The following SNRPN variants were observed in gnomAD, a reference collection of about 807,000 sequenced individuals.
SNRPN encodes the protein small nuclear ribonucleoprotein-associated protein N.
Under a neutral mutation model 25.2 loss-of-function variants are expected in SNRPN, and 7 were observed. The ratio of observed to expected loss-of-function variants is 0.28; its 90% CI spans 0.16 to 0.52. The LOEUF is 0.52. SNRPN is among the 20% of genes least tolerant of loss of function. The pLI is 0.96. For synonymous variants in SNRPN, 124 were observed against 110.6 expected (o/e 1.12, Z -0.76); for missense variants, 196 against 322.5 (o/e 0.61, Z 3.00).
intron 1 of SNRPN, among the ~76,000 whole-genome samples, chr15:24,825,458 C>A (rs929960699): frequency 6.6e-6 from 1 of 152,006 alleles, no homozygotes; most frequent in Non-Finnish European, 1.5e-5. Flanking sequence ...ATGAGAGTTG[C>A]GTTCTGTTCT....
intron 1 of SNRPN, among the ~76,000 whole-genome samples, chr15:24,876,865 C>T (rs1268777546): frequency 6.6e-6 from 1 of 152,082 alleles, no homozygotes; most frequent in Non-Finnish European, 1.5e-5. Flanking sequence ...ATTGAGACAT[C>T]GCAAGGAGAG....
chr15:24,893,249 A>C (rs79193286), intron 2 of SNRPN, among the ~76,000 whole-genome samples: 2,400 of 151,734 alleles, frequency 0.016, 64 homozygotes, highest in African/African-American at 0.056. Flanking sequence ...AGAAAAGAAG[A>C]AAAGAAAGTT....
At chr15:24,927,502 TTTTTTTTTTTTTTTTTACTTTTGACC>T (rs2060488347) in intron 3 of SNRPN, among the ~76,000 whole-genome samples, 1 of 62,396 alleles carries the variant, frequency 1.6e-5, no homozygotes, top group African/African-American at 5.8e-5. Flanking sequence ...TTTTTTTTTT[TTTTTTTTTTTTTTTTTACTTTTGACC>T]ACTTTGAGAG....
At chr15:24,843,994 T>A (rs557347669) in intron 2 of SNRPN, among the ~76,000 whole-genome samples, 3 of 151,672 alleles carry the variant, frequency 2.0e-5, no homozygotes, top group Admixed American at 6.6e-5. Context: ...AAACGTATGA[T>A]TCACTTTACA....
intron 6 of SNRPN, 135 bp from the exon 7 acceptor site, chr15:24,976,738 CTTGT>C (rs1428743950): frequency 2.6e-6 from 2 of 759,480 alleles, no homozygotes; most frequent in Non-Finnish European, 4.4e-6. Flanking sequence ...GGTATACTTG[CTTGT>C]TTGTTCATTT....
chr15:24,926,373 T>C (rs1427289827), intron 3 of SNRPN, among the ~76,000 whole-genome samples: 1 of 152,152 alleles, frequency 6.6e-6, no homozygotes, highest in African/African-American at 2.4e-5. Context: ...GTAATGACAA[T>C]ATATCCCCTT....
rs1184656721 is a variant in SNRPN at position 24,976,769 on chromosome 15, T to C, written c.268-108T>C. On this transcript the variant is annotated intron_variant, in intron 6 of 9. Coordinates refer to ENST00000390687, the MANE Select transcript of SNRPN (RefSeq NM_003097.6). ...TGTTCATTTGGACACAGAACTAATA[T>C]GAGATAGGTGTCATGGGAAAATGGT... is the stretch of plus-strand genomic sequence containing the variant. The C allele has an allele frequency of 1.3e-4, 120 of 948,974 alleles. No individual in the cohort carries two copies. The East Asian group carries it at 1.5e-3, about 12-fold the overall frequency. The allele number at this position is 948,974 out of a possible 1,614,324, so 58.8% of individuals were successfully genotyped here. A position where few individuals can be genotyped will look rare whatever the true frequency, so the allele number is the denominator to read the frequency against.
intron 1 of SNRPN, among the ~76,000 whole-genome samples, chr15:24,863,889 C>A (rs1273723717): frequency 6.6e-6 from 1 of 150,824 alleles, no homozygotes; most frequent in South Asian, 2.1e-4. Context: ...ACTTTATTTA[C>A]AGTACTCTCT....
chr15:24,911,217 C>T, intron 2 of SNRPN: 1 of 461,242 alleles, frequency 2.2e-6, no homozygotes, highest in Non-Finnish European at 3.7e-6. Context: ...AATTAACAGC[C>T]TGGCCTTGTA....
At chr15:24,869,109 C>T (rs901378359) in intron 1 of SNRPN, among the ~76,000 whole-genome samples, 12 of 152,094 alleles carry the variant, frequency 7.9e-5, no homozygotes, top group African/African-American at 2.2e-4. Context: ...CACACCACAG[C>T]GCTCCAGCCT....
intron 3 of SNRPN, among the ~76,000 whole-genome samples, chr15:24,937,526 AT>A (rs951741983): frequency 2.0e-5 from 3 of 151,996 alleles, no homozygotes; most frequent in African/African-American, 7.2e-5. Flanking sequence ...GTCTCTAAAA[AT>A]TTTTTTAATT....
At chr15:24,841,389 C>T (rs1193872481) in intron 2 of SNRPN, among the ~76,000 whole-genome samples, 1 of 151,994 alleles carries the variant, frequency 6.6e-6, no homozygotes, top group East Asian at 1.9e-4. Context: ...AAAAGTTGCT[C>T]ACAGGGCTCT....
chr15:24,913,951 C>T (rs74476174), intron 2 of SNRPN, among the ~76,000 whole-genome samples: 2,558 of 152,186 alleles, frequency 0.017, 36 homozygotes, highest in Non-Finnish European at 0.025. Flanking sequence ...TGACAACTTA[C>T]GGAAAGGCAA....
intron 2 of SNRPN, among the ~76,000 whole-genome samples, chr15:24,834,581 A>T (rs1254229442): frequency 6.6e-6 from 1 of 151,496 alleles, no homozygotes; most frequent in Non-Finnish European, 1.5e-5. Context: ...AAGTGTAAAA[A>T]TCTAGCTGGG....
chr15:24,928,303 T>C (rs2060553623), intron 3 of SNRPN, among the ~76,000 whole-genome samples: 1 of 152,070 alleles, frequency 6.6e-6, no homozygotes, highest in South Asian at 2.1e-4. Context: ...TTATTCACGA[T>C]AGCCAAGATA....
chr15:24,976,896 C>T lies in SNRPN; in HGVS notation c.287C>T (p.Pro96Leu), dbSNP rs1226594172. Residue 96 changes from proline to leucine, a missense_variant, in exon 7 of 10, where the codon CCA (proline) becomes CTA (leucine). Pro to Leu is a moderately conservative substitution (Grantham distance 98). Coordinates refer to ENST00000390687, the MANE Select transcript of SNRPN (RefSeq NM_003097.6). ...PPKDTGIARV[P>L]LAGAAGGPGV... ...TTTCAGACTGGCATTGCTCGGGTACCACTTGCTGGAGCTGCTGGAGGCCCT... is the reference window on the plus strand; with the variant it reads ...TTTCAGACTGGCATTGCTCGGGTACTACTTGCTGGAGCTGCTGGAGGCCCT... 1 of 1,607,616 alleles carries T rather than the reference C, an allele frequency of 6.2e-7. No homozygotes were observed. Among genetic ancestry groups the T allele is most frequent in the Non-Finnish European group, 8.5e-7 (1 of 1,178,148 alleles).
rs151175390 is a variant in SNRPN, at chr15:24,963,547, G to A, written c.-295+1338G>A. On this transcript the variant is annotated intron_variant, in intron 2 of 9. Transcript: ENST00000390687. ...GGAGAATTGTTTGAGCCCAGGAGACGGAGGTTGCAATGAGCTAAGATGGCA... is the reference window on the plus strand; with the variant it reads ...GGAGAATTGTTTGAGCCCAGGAGACAGAGGTTGCAATGAGCTAAGATGGCA... Among the ~76,000 whole-genome samples the A allele has an allele frequency of 9.2e-5, 14 of 151,814 alleles. No individual in the cohort carries two copies. In the South Asian group the frequency reaches 2.3e-3, roughly 25 times the overall value.
intron 2 of SNRPN, among the ~76,000 whole-genome samples, chr15:24,907,090 G>C (rs986590777): frequency 6.6e-6 from 1 of 152,098 alleles, no homozygotes; most frequent in Non-Finnish European, 1.5e-5. Flanking sequence ...ATCGTAAGCA[G>C]GGATTTGAGA....
intron 1 of SNRPN, among the ~76,000 whole-genome samples, chr15:24,868,750 C>T (rs1226030203): frequency 1.3e-5 from 2 of 152,178 alleles, no homozygotes; most frequent in East Asian, 1.9e-4. Flanking sequence ...ATGGATTAGT[C>T]TCATGGGTCT....
Sources: gnomAD v4.1 joint callset for allele counts (sites outside exome capture counted in the v4.1 genomes callset) on GRCh38, gnomAD v4.1.1 for gene constraint, MANE v1.5 for transcripts, NCBI Gene and HGNC (gene_info 2026-07-23, HGNC 2026-07-21) for gene names.